SLC37A2: variants seen among roughly 807,000 people sequenced by gnomAD.
The protein encoded by SLC37A2 is glucose-6-phosphate exchanger SLC37A2.
Under a neutral mutation model 70.7 loss-of-function variants are expected in SLC37A2, and 59 were observed. The observed-to-expected ratio is 0.83, with a 90% CI of 0.68 to 1.04. The LOEUF is 1.04. SLC37A2 is among the 50% of genes least tolerant of loss of function. SLC37A2 has a pLI of 0.00. For synonymous variants in SLC37A2, 257 were observed against 262.1 expected (o/e 0.98, Z 0.19); for missense variants, 580 against 658.1 (o/e 0.88, Z 1.30).
chr11:125,080,531 G>T lies in SLC37A2; in HGVS notation c.528-83G>T. 7.7e-7 allele frequency: 1 copy of T among 1,299,484 alleles called. No individual in the cohort carries two copies. Among genetic ancestry groups the T allele is most frequent in the South Asian group, 2.2e-5 (1 of 46,322 alleles). 80.5% of individuals were successfully genotyped at this position (1,299,484 alleles called of 1,614,324 possible). A position where few individuals can be genotyped will look rare whatever the true frequency, so the allele number is the denominator to read the frequency against. On this transcript the variant is annotated intron_variant, in intron 6 of 17. Transcript: ENST00000403796. This position sits in a 1 kb window ranked among gnomAD's most constrained non-coding sequence, Gnocchi z 4.3. The stretch of plus-strand genomic sequence containing the variant: ...GGAAGCTGTAGTCAGCCCAGCTTTA[G>T]AGCTTGGCTGGGGCAGTTGCTATGA...
At chr11:125,086,203 G>A (rs569523075) in intron 17 of SLC37A2, 185 bp downstream of exon 17, 9 of 1,612,250 alleles carry the variant, frequency 5.6e-6, no homozygotes, top group African/African-American at 2.7e-5. Context: ...TATCTCTATA[G>A]CTCTAGTATG....
At chr11:125,084,426 T>TA in intron 12 of SLC37A2, 107 bp downstream of exon 12, 2 of 1,147,346 alleles carry the variant, frequency 1.7e-6, no homozygotes, top group Non-Finnish European at 2.6e-6. Context: ...TGTCGCTGTG[T>TA]ACGCGTGCAC....
In SLC37A2 at chr11:125,082,224, C is replaced by G. The variant is rs148139074; in HGVS notation, c.886-20C>G. On this transcript the variant is annotated intron_variant, in intron 9 of 17. Transcript: ENST00000403796. ...GGACCTCTGGACCCCTTCCCATGTG[C>G]CCCCTGTTGCACTCCCCAGGGCGTG... The G allele has an allele frequency of 1.7e-4, 282 of 1,612,808 alleles. No homozygotes were observed. In the African/African-American group the frequency reaches 3.3e-3, roughly 19 times the overall value.
At chr11:125,072,932 G>C (rs925108267) in intron 1 of SLC37A2, among the ~76,000 whole-genome samples, 1 of 152,190 alleles carries the variant, frequency 6.6e-6, no homozygotes, top group Non-Finnish European at 1.5e-5. Context: ...GGAAGTCCCA[G>C]AAAAGGCCAG....
At position 125,083,713 on chromosome 11, in the gene SLC37A2, G is replaced by T; in HGVS notation, c.977-102G>T. The T allele has an allele frequency of 9.6e-7, 1 of 1,044,010 alleles. No homozygotes were observed. The highest frequency in any genetic ancestry group is 1.5e-6 in the Non-Finnish European group (1 of 672,546). The allele number at this position is 1,044,010 out of a possible 1,614,324, so 64.7% of individuals were successfully genotyped here. A position where few individuals can be genotyped will look rare whatever the true frequency, so the allele number is the denominator to read the frequency against. Reference sequence around the variant, plus strand: ...GGTCCCCAGCTCTTCCTCGGAAAAGGGGGCAGTGGTCTGGATCACGCTCTG... The same window carrying T: ...GGTCCCCAGCTCTTCCTCGGAAAAGTGGGCAGTGGTCTGGATCACGCTCTG... On this transcript the variant is annotated intron_variant, in intron 10 of 17. Transcript: ENST00000403796. The surrounding 1 kb of genome is among the most constrained non-coding windows in gnomAD (Gnocchi z 4.6).
At position 125,084,330 on chromosome 11, in the gene SLC37A2, C is replaced by A; in HGVS notation, c.1125+11C>A. On this transcript the variant is annotated intron_variant, in intron 12 of 17. Coordinates refer to ENST00000403796, the MANE Select transcript of SLC37A2 (RefSeq NM_001145290.2). ...TTGGCTGCCCCCATGGTGCGTATAA[C>A]CCCGAGGGTGAAGTGCGAATGCATG... 1 of 1,614,060 alleles carries A rather than the reference C, an allele frequency of 6.2e-7. No individual in the cohort carries two copies. Among genetic ancestry groups the A allele is most frequent in the East Asian group, 2.2e-5 (1 of 44,884 alleles).
At chr11:125,081,974 T>A in intron 9 of SLC37A2, 68 bp downstream of exon 9, 1 of 1,495,320 alleles carries the variant, frequency 6.7e-7, no homozygotes, top group Non-Finnish European at 9.0e-7. Context: ...GATGAGGAGA[T>A]GGGGTGCTTG....
At position 125,081,464 on chromosome 11, in the gene SLC37A2, T is replaced by G. The variant is rs1440294542; in HGVS notation, c.732+6T>G. ...GCGCCCCTCCTCAGCACCACGTGAG[T>G]GTGAGCCCTCCCAGCCCTATCCCTG... On this transcript the variant is annotated splice_donor_region_variant and intron_variant, in intron 8 of 17. Coordinates refer to ENST00000403796, the MANE Select transcript of SLC37A2 (RefSeq NM_001145290.2). 5 of 1,608,584 alleles carry G rather than the reference T, an allele frequency of 3.1e-6. No homozygotes were observed. In the South Asian group the frequency reaches 4.4e-5, roughly 14 times the overall value.
intron 3 of SLC37A2, 36 bp downstream of exon 3, chr11:125,077,359 T>A (rs1949099292): frequency 1.3e-6 from 2 of 1,586,414 alleles, no homozygotes; most frequent in Non-Finnish European, 1.7e-6. Flanking sequence ...CCATTCCCCA[T>A]TCCCTCTTCC....
chr11:125,076,177 A>G (rs1565396392), intron 1 of SLC37A2, among the ~76,000 whole-genome samples: 1 of 152,242 alleles, frequency 6.6e-6, no homozygotes, highest in Non-Finnish European at 1.5e-5. Context: ...GGCTCTGTCC[A>G]GTGGGATGGA....
intron 4 of SLC37A2, 90 bp downstream of exon 4, chr11:125,077,618 G>T: frequency 1.0e-6 from 1 of 967,984 alleles, no homozygotes; most frequent in South Asian, 1.5e-5. Context: ...CTGGGAATGA[G>T]CCCAGGGATG....
At chr11:125,066,414 C>G (rs1348330216) in intron 1 of SLC37A2, among the ~76,000 whole-genome samples, 1 of 151,994 alleles carries the variant, frequency 6.6e-6, no homozygotes, top group Non-Finnish European at 1.5e-5. Context: ...TCCCATCTCT[C>G]AAAAAACAAA....
chr11:125,077,561 G>A, intron 4 of SLC37A2, 33 bp downstream of exon 4: 1 of 1,586,228 alleles, frequency 6.3e-7, no homozygotes, highest in African/African-American at 1.3e-5. Context: ...TGACCAAGAG[G>A]AGGATGGTTT....
At position 125,083,893 on chromosome 11, in the gene SLC37A2, G is replaced by A; in HGVS notation, c.1039+16G>A. On this transcript the variant is annotated intron_variant, in intron 11 of 17. Coordinates refer to ENST00000403796, the MANE Select transcript of SLC37A2 (RefSeq NM_001145290.2). This position sits in a 1 kb window ranked among gnomAD's most constrained non-coding sequence, Gnocchi z 4.6. ...GGCATCATAGGTGAGGCCTTGCCCT[G>A]CTCTGCCAGCAGGCTCCCTTCCCCT... is the stretch of plus-strand genomic sequence containing the variant. The A allele has an allele frequency of 6.2e-7, 1 of 1,613,040 alleles. No homozygotes were observed. The highest frequency in any genetic ancestry group is 1.1e-5 in the South Asian group (1 of 91,046).
In SLC37A2 at chr11:125,076,773, C is replaced by G; in HGVS notation, c.76C>G (p.Leu26Val). The G allele has an allele frequency of 6.2e-7, 1 of 1,614,218 alleles. No individual in the cohort carries two copies. The highest frequency in any genetic ancestry group is 8.5e-7 in the Non-Finnish European group (1 of 1,180,028). ...SRDSWFRGLI[L>V]LLTFLIYACY... Reference sequence around the variant, plus strand: ...TTCCTGCAGGTTCCGAGGCCTCATCCTGCTGCTGACCTTCCTAATTTACGC... The same window carrying G: ...TTCCTGCAGGTTCCGAGGCCTCATCGTGCTGCTGACCTTCCTAATTTACGC... Residue 26 changes from leucine to valine, a missense_variant, in exon 2 of 18, where the codon CTG becomes GTG. By Grantham distance (32) the Leu-to-Val change is conservative (BLOSUM62 1). Coordinates refer to ENST00000403796, the MANE Select transcript of SLC37A2 (RefSeq NM_001145290.2).
Position 125,063,347 on chromosome 11 carries a change from C to T in SLC37A2, c.-21C>T. 1 of 1,608,696 alleles carries T rather than the reference C, an allele frequency of 6.2e-7. No homozygotes were observed. The highest frequency in any genetic ancestry group is 2.2e-5 in the East Asian group (1 of 44,644). ...CTGTAGCCTCCTCCGTCGACTCAGC[C>T]TTAGGTACCGGTCAGGCAAAATGCG... On this transcript the variant is annotated 5_prime_UTR_variant, in exon 1 of 18. Transcript: ENST00000403796. This position sits in a 1 kb window ranked among gnomAD's most constrained non-coding sequence, Gnocchi z 5.4.
intron 4 of SLC37A2, among the ~76,000 whole-genome samples, chr11:125,078,463 G>T (rs1949113261): frequency 6.6e-6 from 1 of 152,188 alleles, no homozygotes; most frequent in Non-Finnish European, 1.5e-5. Flanking sequence ...CTACAGTGGT[G>T]ATAGAGGTGG....
Position 125,063,555 on chromosome 11 carries a change from A to T in SLC37A2, c.59+129A>T. The T allele has an allele frequency of 2.4e-6, 2 of 829,992 alleles. No homozygotes were observed. The highest frequency in any genetic ancestry group is 3.6e-6 in the Non-Finnish European group (2 of 552,604). The allele number at this position is 829,992 out of a possible 1,614,324, so 51.4% of individuals were successfully genotyped here. A position where few individuals can be genotyped will look rare whatever the true frequency, so the allele number is the denominator to read the frequency against. Reference sequence around the variant, plus strand: ...CCGCGTGGCCAGGGGTGCTGGGGGGACTTGGTCCCGAGCTCCTCCAGCGGC... The same window carrying T: ...CCGCGTGGCCAGGGGTGCTGGGGGGTCTTGGTCCCGAGCTCCTCCAGCGGC... On this transcript the variant is annotated intron_variant, in intron 1 of 17. Transcript: ENST00000403796. This position sits in a 1 kb window ranked among gnomAD's most constrained non-coding sequence, Gnocchi z 5.4.
chr11:125,066,649 CAG>C (rs1446224169), intron 1 of SLC37A2, among the ~76,000 whole-genome samples: 1 of 151,928 alleles, frequency 6.6e-6, no homozygotes, highest in African/African-American at 2.4e-5. Flanking sequence ...TTAATCCAAA[CAG>C]AAAAAATCTA....
Sources: allele counts gnomAD v4.1 joint callset (sites outside exome capture counted in the v4.1 genomes callset), GRCh38; gene constraint gnomAD v4.1.1; non-coding constraint Gnocchi (gnomAD v3.1); transcripts MANE v1.5; gene names NCBI Gene and HGNC (gene_info 2026-07-23, HGNC 2026-07-21).